Variants in CWC27 observed in about 807,000 individuals in gnomAD.
CWC27 encodes the protein CWC27 spliceosome associated cyclophilin, also known as spliceosome-associated protein CWC27 homolog.
CWC27 carries 47 observed loss-of-function variants against 63.6 expected under a neutral mutation model. The observed-to-expected ratio is 0.74, with a 90% CI of 0.58 to 0.94. The LOEUF (loss-of-function observed/expected upper bound fraction) is 0.94. Ranked by LOEUF, CWC27 falls within the 40% of genes least tolerant of loss-of-function variation. The pLI is 0.00. For missense variants in CWC27, 495 were observed against 554.3 expected (o/e 0.89, Z 1.07); for synonymous variants, 175 against 179.8 (o/e 0.97, Z 0.22).
chr5:64,970,173 T>C (rs1415129704), intron 11 of CWC27, among the ~76,000 whole-genome samples: 1 of 151,878 alleles, frequency 6.6e-6, no homozygotes, highest in Non-Finnish European at 1.5e-5. Context: ...AGAAGAGAGG[T>C]ATTCAAAGAT....
chr5:64,772,675 T>C (rs1390376297), intron 1 of CWC27, among the ~76,000 whole-genome samples: 6 of 139,210 alleles, frequency 4.3e-5, no homozygotes, highest in South Asian at 2.3e-4. Flanking sequence ...CAGTGGCTCA[T>C]GCCTGTAATC....
intron 13 of CWC27, among the ~76,000 whole-genome samples, chr5:64,999,866 C>G (rs908775894): frequency 3.3e-5 from 5 of 152,036 alleles, no homozygotes; most frequent in Non-Finnish European, 5.9e-5. Flanking sequence ...AGTGGAAATG[C>G]TGGGTCATAT....
intron 11 of CWC27, among the ~76,000 whole-genome samples, chr5:64,946,116 G>A (rs2163955): frequency 0.45 from 69,093 of 151,856 alleles, 15,864 homozygotes; most frequent in African/African-American, 0.49. Flanking sequence ...TAAGCCAAAA[G>A]CAGTCAAATT....
At chr5:65,006,251 CAA>C (rs1749838736) in intron 13 of CWC27, among the ~76,000 whole-genome samples, 1 of 152,128 alleles carries the variant, frequency 6.6e-6, no homozygotes, top group Admixed American at 6.6e-5. Context: ...TTCAGCTTGG[CAA>C]CTAATTCTGA....
chr5:64,784,444 T>G (rs1743810502), intron 4 of CWC27, among the ~76,000 whole-genome samples: 1 of 152,228 alleles, frequency 6.6e-6, no homozygotes, highest in African/African-American at 2.4e-5. Context: ...ACATTTAATG[T>G]CATATTAGGG....
intron 10 of CWC27, among the ~76,000 whole-genome samples, chr5:64,834,588 G>T (rs1479093625): frequency 1.3e-5 from 2 of 151,698 alleles, no homozygotes; most frequent in East Asian, 3.9e-4. Flanking sequence ...CATTCAAAAA[G>T]AAAGTGGAGC....
intron 10 of CWC27, among the ~76,000 whole-genome samples, chr5:64,869,058 C>A (rs1746602844): frequency 1.3e-5 from 2 of 151,962 alleles, no homozygotes. Flanking sequence ...AAAAGAAAGC[C>A]ATGTGAAATT....
At chr5:64,924,122 T>C (rs1399958484) in intron 11 of CWC27, among the ~76,000 whole-genome samples, 1 of 152,188 alleles carries the variant, frequency 6.6e-6, no homozygotes, top group Non-Finnish European at 1.5e-5. Flanking sequence ...ATATCCCTAT[T>C]CCAGTTAGTC....
chr5:64,959,149 A>G (rs1041674973), intron 11 of CWC27, among the ~76,000 whole-genome samples: 3 of 152,164 alleles, frequency 2.0e-5, no homozygotes, highest in African/African-American at 7.2e-5. Context: ...ACACATGTAT[A>G]GAGACCCCCC....
chr5:64,984,633 A>C (rs768779802), intron 13 of CWC27, among the ~76,000 whole-genome samples: 1 of 152,084 alleles, frequency 6.6e-6, no homozygotes, highest in Admixed American at 6.6e-5. Context: ...TCTTTTGCCT[A>C]TTTGGGAATT....
intron 11 of CWC27, among the ~76,000 whole-genome samples, chr5:64,949,967 G>C (rs1243816779): frequency 6.6e-6 from 1 of 151,924 alleles, no homozygotes; most frequent in Non-Finnish European, 1.5e-5. Flanking sequence ...ATTCTTAGCT[G>C]AATTGAAATG....
chr5:64,816,724 A>G (rs1014271316), intron 10 of CWC27, among the ~76,000 whole-genome samples: 2 of 152,176 alleles, frequency 1.3e-5, no homozygotes, highest in African/African-American at 4.8e-5. Flanking sequence ...TGTGTGGTAG[A>G]ACCCAAAATG....
At chr5:65,001,580 C>T (rs996777142) in intron 13 of CWC27, among the ~76,000 whole-genome samples, 3 of 152,018 alleles carry the variant, frequency 2.0e-5, no homozygotes, top group Admixed American at 2.0e-4. Context: ...GACAATCATA[C>T]AATTTTGGTT....
intron 11 of CWC27, among the ~76,000 whole-genome samples, chr5:64,937,921 C>CTTTTTTTTTTTT (rs1211082437): frequency 1.6e-4 from 16 of 99,304 alleles, no homozygotes; most frequent in African/African-American, 6.2e-4. Flanking sequence ...GCAATCTCTG[C>CTTTTTTTTTTTT]TTTTTTTTTT....
At chr5:64,896,624 G>T (rs1747382772) in intron 11 of CWC27, among the ~76,000 whole-genome samples, 1 of 150,946 alleles carries the variant, frequency 6.6e-6, no homozygotes, top group Non-Finnish European at 1.5e-5. Flanking sequence ...ACTACTAACA[G>T]GATAAGGAAG....
chr5:64,853,927 C>G (rs1250266220), intron 10 of CWC27, among the ~76,000 whole-genome samples: 1 of 152,160 alleles, frequency 6.6e-6, no homozygotes, highest in African/African-American at 2.4e-5. Context: ...AAACTTTTTC[C>G]TCTGGCAAAA....
intron 13 of CWC27, among the ~76,000 whole-genome samples, chr5:64,991,245 G>C (rs1193708430): frequency 6.6e-6 from 1 of 151,882 alleles, no homozygotes; most frequent in Non-Finnish European, 1.5e-5. Flanking sequence ...GAAACTTCAG[G>C]TTCAAATACC....
chr5:64,860,606 A>G (rs2112310305), intron 10 of CWC27, among the ~76,000 whole-genome samples: 1 of 152,322 alleles, frequency 6.6e-6, no homozygotes, highest in African/African-American at 2.4e-5. Context: ...GATCAGCTCT[A>G]CTTTTTAATG....
At chr5:65,004,933 CA>C (rs1749814912) in intron 13 of CWC27, among the ~76,000 whole-genome samples, 13 of 138,156 alleles carry the variant, frequency 9.4e-5, no homozygotes, top group Admixed American at 5.9e-4. Context: ...CACACACACA[CA>C]CTGTTGGTTG....
Sources: gnomAD v4.1 joint callset for allele counts (sites outside exome capture counted in the v4.1 genomes callset) on GRCh38, gnomAD v4.1.1 for gene constraint, MANE v1.5 for transcripts, NCBI Gene and HGNC (gene_info 2026-07-23, HGNC 2026-07-21) for gene names.